The following CAST variants were observed in gnomAD, a reference collection of about 807,000 sequenced individuals.
The protein encoded by CAST is calpastatin.
In CAST, 76 loss-of-function variants were observed where a neutral mutation model predicts 119.6. The ratio of observed to expected loss-of-function variants is 0.64; its 90% CI spans 0.53 to 0.77. The LOEUF is 0.77. Ranked by LOEUF, CAST falls within the 30% of genes least tolerant of loss-of-function variation. CAST has a pLI of 0.00. For missense variants in CAST, 953 were observed against 946.5 expected, an observed-to-expected ratio of 1.01 and a Z score of -0.09; for synonymous variants, 319 against 331.6, an observed-to-expected ratio of 0.96 and a Z score of 0.41.
At chr5:96,581,662 G>C (rs993927464) in intron 1 of CAST, among the ~76,000 whole-genome samples, 1 of 152,100 alleles carries the variant, frequency 6.6e-6, no homozygotes, top group Admixed American at 6.5e-5. Flanking sequence ...AGGCCGAGAC[G>C]GGCGGATCAC....
At chr5:96,330,505 C>T in the CAST span, among the ~76,000 whole-genome samples, 51 of 152,276 alleles carry the variant, frequency 3.3e-4, no homozygotes, top group Middle Eastern at 3.4e-3. Context: ...TTCAATAGCT[C>T]GTCGTTTTAT....
chr5:96,662,338 T>G, upstream of CAST: 1 of 264,572 alleles, frequency 3.8e-6, no homozygotes, highest in Non-Finnish European at 6.2e-6. Context: ...CCTCCCTCCC[T>G]CTCTCCCTGG....
the CAST span, among the ~76,000 whole-genome samples, chr5:96,078,640 A>G: frequency 1.3e-5 from 2 of 152,194 alleles, no homozygotes; most frequent in Admixed American, 1.3e-4. Context: ...TATAGAACAC[A>G]ATGAAACAAA....
the CAST span, among the ~76,000 whole-genome samples, chr5:96,342,328 T>G: frequency 1.2e-4 from 19 of 152,364 alleles, no homozygotes. Flanking sequence ...GAGGCAGTGG[T>G]TCCCCAACTT....
chr5:96,561,364 GA>G (rs55711512), intron 1 of CAST, among the ~76,000 whole-genome samples: 13 of 149,990 alleles, frequency 8.7e-5, no homozygotes, highest in African/African-American at 4.9e-5. Flanking sequence ...ATAAAAAAAA[GA>G]AAAAAAGGAA....
chr5:96,695,535 C>T (rs1436976738), intron 2 of CAST, among the ~76,000 whole-genome samples: 1 of 152,148 alleles, frequency 6.6e-6, no homozygotes, highest in Non-Finnish European at 1.5e-5. Context: ...CTCTCTATGG[C>T]ACTGTAAGGG....
the CAST span, among the ~76,000 whole-genome samples, chr5:96,295,054 AG>A: frequency 5.9e-5 from 9 of 152,356 alleles, no homozygotes; most frequent in South Asian, 1.4e-3. Flanking sequence ...CAAAGGGAAA[AG>A]CTGCTTCCCT....
the CAST span, chr5:96,429,324 A>G: frequency 7.1e-7 from 1 of 1,416,420 alleles, no homozygotes; most frequent in Non-Finnish European, 1.0e-6. Context: ...CAATCTATAA[A>G]AGGAAAGAAA....
At chr5:96,645,953 A>T (rs1002567532) in intron 1 of CAST, among the ~76,000 whole-genome samples, 1 of 151,988 alleles carries the variant, frequency 6.6e-6, no homozygotes. Context: ...CCAACAATTC[A>T]ATAGAAACAT....
At chr5:96,005,635 G>T in the CAST span, among the ~76,000 whole-genome samples, 1 of 152,002 alleles carries the variant, frequency 6.6e-6, no homozygotes, top group Non-Finnish European at 1.5e-5. Context: ...TATCAGTTAC[G>T]TTGATTAAAA....
the CAST span, among the ~76,000 whole-genome samples, chr5:96,322,135 G>T: frequency 6.6e-6 from 1 of 152,094 alleles, no homozygotes; most frequent in African/African-American, 2.4e-5. Context: ...ATTTTATCTG[G>T]TGTGCCCAAT....
At chr5:96,033,529 C>A in the CAST span, among the ~76,000 whole-genome samples, 2 of 151,906 alleles carry the variant, frequency 1.3e-5, no homozygotes, top group African/African-American at 4.8e-5. Context: ...AACAAAGATA[C>A]CAAGAACAAA....
chr5:96,168,777 C>T, the CAST span, among the ~76,000 whole-genome samples: 4 of 151,932 alleles, frequency 2.6e-5, no homozygotes, highest in Non-Finnish European at 4.4e-5. Flanking sequence ...GATTAAAGTC[C>T]GGGCCAGGAA....
At chr5:96,404,583 T>C in the CAST span, among the ~76,000 whole-genome samples, 1 of 152,198 alleles carries the variant, frequency 6.6e-6, no homozygotes, top group South Asian at 2.1e-4. Context: ...AGAAAACTTA[T>C]AAGAAACTCA....
At chr5:96,519,761 C>T in the CAST span, among the ~76,000 whole-genome samples, 1 of 152,084 alleles carries the variant, frequency 6.6e-6, no homozygotes, top group East Asian at 1.9e-4. Flanking sequence ...TGCTCGTGAT[C>T]ATGCTTTGCT....
the CAST span, among the ~76,000 whole-genome samples, chr5:96,425,003 GAAAGAAA>G: frequency 1.6e-3 from 171 of 106,430 alleles, no homozygotes; most frequent in African/African-American, 3.4e-3. Flanking sequence ...GAAAGAGAAA[GAAAGAAA>G]AGAAAGAAAG....
chr5:96,069,680 T>TG, the CAST span, among the ~76,000 whole-genome samples: 1 of 128,026 alleles, frequency 7.8e-6, no homozygotes, highest in South Asian at 2.6e-4. Flanking sequence ...TTTTTTTTTT[T>TG]GTAGAGAGGG....
the CAST span, among the ~76,000 whole-genome samples, chr5:96,234,348 C>T: frequency 1.3e-5 from 2 of 152,300 alleles, no homozygotes; most frequent in South Asian, 4.1e-4. Flanking sequence ...TTAGATTTTA[C>T]TCTACAGCAA....
the CAST span, among the ~76,000 whole-genome samples, chr5:96,290,430 T>G: frequency 6.6e-6 from 1 of 152,052 alleles, no homozygotes; most frequent in Non-Finnish European, 1.5e-5. Flanking sequence ...AGAAGAATTT[T>G]ATAGCAATTC....
Sources: gnomAD v4.1 joint callset for allele counts (sites outside exome capture counted in the v4.1 genomes callset) on GRCh38, gnomAD v4.1.1 for gene constraint, MANE v1.5 for transcripts, NCBI Gene and HGNC (gene_info 2026-07-23, HGNC 2026-07-21) for gene names.